Variants in FAM83F observed in about 807,000 individuals in gnomAD.
FAM83F encodes the protein protein FAM83F.
Under a neutral mutation model 42.9 loss-of-function variants are expected in FAM83F, and 45 were observed. The ratio of observed to expected loss-of-function variants is 1.05; its 90% CI spans 0.83 to 1.35. The LOEUF is 1.35. Among genes scored for constraint, FAM83F ranks in the 40% most tolerant of loss-of-function variants. FAM83F has a pLI of 0.00. For missense variants in FAM83F, 617 were observed against 695.9 expected (o/e 0.89, Z 1.28); for synonymous variants, 306 against 298.3 (o/e 1.03, Z -0.27).
In FAM83F at chr22:40,021,312, G is replaced by T; in HGVS notation, c.802G>T (p.Val268Leu). Residue 268 changes from valine to leucine, a missense_variant, in exon 4 of 5, where the codon GTG (valine) becomes TTG (leucine). Transcript: ENST00000333407. This position sits in a 1 kb window ranked among gnomAD's most constrained non-coding sequence, Gnocchi z 8.7. The stretch of plus-strand genomic sequence containing the variant: ...CAGGTTCACCTGGAGTTCCTCCCAT[G>T]TGGACAGAAACCTCCTCCTGCTCCT... ...SYRFTWSSSH[V>L]DRNLLLLLTG... The T allele has an allele frequency of 6.4e-7, 1 of 1,557,060 alleles. No individual in the cohort carries two copies. Among genetic ancestry groups the T allele is most frequent in the Middle Eastern group, 1.7e-4 (1 of 5,788 alleles).
intron 4 of FAM83F, among the ~76,000 whole-genome samples, chr22:40,024,159 C>A (rs2067537494): frequency 6.6e-6 from 1 of 152,180 alleles, no homozygotes; most frequent in African/African-American, 2.4e-5. Context: ...GCCACCATGC[C>A]TGGCTAATTT....
chr22:40,031,179 G>C lies in FAM83F; in HGVS notation c.*1614G>C, dbSNP rs1244231105. 1.3e-5 allele frequency: 2 copies of C among 151,884 alleles called. No individual in the cohort carries two copies. Among genetic ancestry groups the C allele is most frequent in the African/African-American group, 4.8e-5 (2 of 41,312 alleles). 9.4% of individuals were successfully genotyped at this position (151,884 alleles called of 1,614,324 possible). A position where few individuals can be genotyped will look rare whatever the true frequency, so the allele number is the denominator to read the frequency against. Reference sequence around the variant, plus strand: ...CTTTTATGAAGGTGAAATGCTTCTGGGAAGTGTTTCCTTAGGCACCAAGAC... The same window carrying C: ...CTTTTATGAAGGTGAAATGCTTCTGCGAAGTGTTTCCTTAGGCACCAAGAC... On this transcript the variant is annotated 3_prime_UTR_variant, in exon 5 of 5. Transcript: ENST00000333407.
chr22:40,019,253 T>C lies in FAM83F; in HGVS notation c.575T>C (p.Val192Ala), dbSNP rs777563822. The C allele has an allele frequency of 1.9e-6, 3 of 1,614,148 alleles. No individual in the cohort carries two copies. Among genetic ancestry groups the C allele is most frequent in the Middle Eastern group, 1.7e-4 (1 of 6,058 alleles). ...GCTGCCTGTAAGCGCCGGGTCCCAG[T>C]GTACATCATCCTGGACGAGGCAGGA... The part of the protein sequence containing the change: ...VDAACKRRVP[V>A]YIILDEAGVK... The change falls in exon 2 of 5, where the codon GTG becomes GCG. Residue 192 changes from valine to alanine, a missense_variant. Physicochemically the swap from Val to Ala is moderately conservative, Grantham distance 64 (BLOSUM62 0). Coordinates refer to ENST00000333407, the MANE Select transcript of FAM83F (RefSeq NM_138435.4).
Position 40,036,881 on chromosome 22 carries a change from A to G in FAM83F, c.*7316A>G, listed in dbSNP as rs1258458348. ...CCTAGGTCAGCTAGACGGCCAAAGC[A>G]GGGATCTGCAAGCTCCTTCTGTGGC... is the stretch of plus-strand genomic sequence containing the variant. On this transcript the variant is annotated 3_prime_UTR_variant, in exon 5 of 5. Transcript: ENST00000333407. 1.3e-5 allele frequency: 2 copies of G among 152,266 alleles called. No individual in the cohort carries two copies. Among genetic ancestry groups the G allele is most frequent in the African/African-American group, 4.8e-5 (2 of 41,448 alleles). The allele number at this position is 152,266 out of a possible 1,614,324, so 9.4% of individuals were successfully genotyped here. A position where few individuals can be genotyped will look rare whatever the true frequency, so the allele number is the denominator to read the frequency against.
chr22:40,001,569 C>A (rs1569229197), intron 1 of FAM83F, among the ~76,000 whole-genome samples: 1 of 152,090 alleles, frequency 6.6e-6, no homozygotes, highest in Admixed American at 6.6e-5. Context: ...ATTGCTTGAT[C>A]ATGGGAGGTG....
At chr22:40,017,072 A>T (rs1356430058) in intron 1 of FAM83F, among the ~76,000 whole-genome samples, 1 of 152,044 alleles carries the variant, frequency 6.6e-6, no homozygotes, top group Non-Finnish European at 1.5e-5. Flanking sequence ...AAAATGTAAG[A>T]GCTATGAAGA....
In FAM83F at chr22:40,034,472, G is replaced by A. The variant is rs912355967; in HGVS notation, c.*4907G>A. 1.3e-5 allele frequency: 2 copies of A among 152,298 alleles called. No homozygotes were observed. The highest frequency in any genetic ancestry group is 6.5e-5 in the Admixed American group (1 of 15,290). 9.4% of individuals were successfully genotyped at this position (152,298 alleles called of 1,614,324 possible). A position where few individuals can be genotyped will look rare whatever the true frequency, so the allele number is the denominator to read the frequency against. ...ACAGTTAGGCAGGCCTGGACTTCTC[G>A]CCCTTCCCCTTGCAGCTTCTGCTCT... is the stretch of plus-strand genomic sequence containing the variant. On this transcript the variant is annotated 3_prime_UTR_variant, in exon 5 of 5. Coordinates refer to ENST00000333407, the MANE Select transcript of FAM83F (RefSeq NM_138435.4).
intron 1 of FAM83F, among the ~76,000 whole-genome samples, chr22:40,007,688 TCTC>T (rs2067443571): frequency 1.6e-5 from 2 of 128,102 alleles, no homozygotes; most frequent in Non-Finnish European, 3.3e-5. Flanking sequence ...TTTCCTCTCC[TCTC>T]CTCCTCATTT....
In FAM83F at chr22:39,995,333, G is replaced by T; in HGVS notation, c.291G>T (p.Ala97=). Residue 97 remains alanine, a synonymous_variant, in exon 1 of 5, where the codon GCG becomes GCT. Coordinates refer to ENST00000333407, the MANE Select transcript of FAM83F (RefSeq NM_138435.4). This position sits in a 1 kb window ranked among gnomAD's most constrained non-coding sequence, Gnocchi z 4.6. The part of the protein sequence containing the change: ...SKAKAKAPAP[A]PAESGESLAY... ...CCAAGGCCAAGGCCCCCGCGCCGGC[G>T]CCGGCTGAGTCCGGCGAGTCCCTGG... The T allele has an allele frequency of 6.5e-7, 1 of 1,539,946 alleles. No homozygotes were observed. The highest frequency in any genetic ancestry group is 8.7e-7 in the Non-Finnish European group (1 of 1,146,000).
intron 4 of FAM83F, among the ~76,000 whole-genome samples, chr22:40,027,180 C>A (rs2067558156): frequency 6.6e-6 from 1 of 152,054 alleles, no homozygotes; most frequent in African/African-American, 2.4e-5. Flanking sequence ...AACCAAGGAG[C>A]CTCGGAGCAA....
Position 40,041,091 on chromosome 22 carries a change from G to A in FAM83F, c.*11526G>A, listed in dbSNP as rs2067648391. 6.6e-6 allele frequency: 1 copy of A among 152,148 alleles called. No homozygotes were observed. The allele number at this position is 152,148 out of a possible 1,614,324, so 9.4% of individuals were successfully genotyped here. The stretch of plus-strand genomic sequence containing the variant: ...AAAAGGAAGGCCTGTTGCTTGAGAT[G>A]GCTCAGAGCACTTTTGGTAGCCAGC... On this transcript the variant is annotated 3_prime_UTR_variant, in exon 5 of 5. Coordinates refer to ENST00000333407, the MANE Select transcript of FAM83F (RefSeq NM_138435.4).
chr22:40,001,621 T>C (rs936155242), intron 1 of FAM83F, among the ~76,000 whole-genome samples: 5 of 151,982 alleles, frequency 3.3e-5, no homozygotes, highest in African/African-American at 7.3e-5. Flanking sequence ...CACTCCAGCC[T>C]GGGTGCCAGA....
At chr22:40,009,044 C>T (rs995388386) in intron 1 of FAM83F, among the ~76,000 whole-genome samples, 2 of 151,622 alleles carry the variant, frequency 1.3e-5, no homozygotes, top group Non-Finnish European at 2.9e-5. Flanking sequence ...TGGGGAGTTC[C>T]CCCCATTTGC....
intron 1 of FAM83F, among the ~76,000 whole-genome samples, chr22:39,999,655 G>A (rs1431002288): frequency 6.6e-6 from 1 of 152,202 alleles, no homozygotes; most frequent in Non-Finnish European, 1.5e-5. Context: ...CCAGGTCCTT[G>A]GTTGGGATTA....
In FAM83F at chr22:40,034,597, G is replaced by A. The variant is rs2067610466; in HGVS notation, c.*5032G>A. The A allele has an allele frequency of 6.6e-6, 1 of 152,270 alleles. No homozygotes were observed. Among genetic ancestry groups the A allele is most frequent in the African/African-American group, 2.4e-5 (1 of 41,468 alleles). The allele number at this position is 152,270 out of a possible 1,614,324, so 9.4% of individuals were successfully genotyped here. On this transcript the variant is annotated 3_prime_UTR_variant, in exon 5 of 5. Coordinates refer to ENST00000333407, the MANE Select transcript of FAM83F (RefSeq NM_138435.4). The stretch of plus-strand genomic sequence containing the variant: ...TCCTTGGGGTTCCTGAGCCTGGAGA[G>A]CGGGCTTTGTGAGCACTGGTGCCTC...
At position 40,032,790 on chromosome 22, in the gene FAM83F, T is replaced by G. The variant is rs9611254; in HGVS notation, c.*3225T>G. 4 of 151,898 alleles carry G rather than the reference T, an allele frequency of 2.6e-5. No individual in the cohort carries two copies. In the South Asian group the frequency reaches 6.2e-4, roughly 24 times the overall value. 9.4% of individuals were successfully genotyped at this position (151,898 alleles called of 1,614,324 possible). Reference sequence around the variant, plus strand: ...TTCACCATGTTAGCCAGGTTGGTCTTGATCTCCTGACCTTGTGATCCGCCC... The same window carrying G: ...TTCACCATGTTAGCCAGGTTGGTCTGGATCTCCTGACCTTGTGATCCGCCC... On this transcript the variant is annotated 3_prime_UTR_variant, in exon 5 of 5. Coordinates refer to ENST00000333407, the MANE Select transcript of FAM83F (RefSeq NM_138435.4).
At chr22:40,018,981 C>G (rs2067505246) in intron 1 of FAM83F, among the ~76,000 whole-genome samples, 187 bp from the exon 2 acceptor site, 1 of 152,280 alleles carries the variant, frequency 6.6e-6, no homozygotes, top group Non-Finnish European at 1.5e-5. Flanking sequence ...GCCTGCACCC[C>G]CAGGCCCATC....
chr22:40,007,133 C>G (rs540624355), intron 1 of FAM83F, among the ~76,000 whole-genome samples: 1 of 151,564 alleles, frequency 6.6e-6, no homozygotes, highest in South Asian at 2.1e-4. Context: ...CGATGTGAAT[C>G]TAGAGACCAG....
At chr22:40,004,343 C>T (rs1441198562) in intron 1 of FAM83F, among the ~76,000 whole-genome samples, 1 of 120,120 alleles carries the variant, frequency 8.3e-6, no homozygotes, top group Non-Finnish European at 1.9e-5. Flanking sequence ...GCTCTGTCAC[C>T]CAGGCTGGAG....
Sources: allele counts gnomAD v4.1 joint callset (sites outside exome capture counted in the v4.1 genomes callset), GRCh38; gene constraint gnomAD v4.1.1; non-coding constraint Gnocchi (gnomAD v3.1); transcripts MANE v1.5; gene names NCBI Gene and HGNC (gene_info 2026-07-23, HGNC 2026-07-21).